Variants in MSH3 observed in about 807,000 individuals in gnomAD.
MSH3 encodes DNA mismatch repair protein Msh3.
A neutral mutation model predicts 123.3 loss-of-function variants in MSH3; 106 were observed. The ratio of observed to expected loss-of-function variants is 0.86; its 90% confidence interval spans 0.73 to 1.01. MSH3 has a LOEUF of 1.01. Ranked by LOEUF, MSH3 falls within the 50% of genes least tolerant of loss-of-function variation. The pLI is 0.00. For missense variants in MSH3, 1,459 were observed against 1,347.6 expected, an observed-to-expected ratio of 1.08 and a Z score of -1.29; for synonymous variants, 515 against 481.4, an observed-to-expected ratio of 1.07 and a Z score of -0.91.
intron 15 of MSH3, among the ~76,000 whole-genome samples, chr5:80,773,968 A>G (rs1021174612): frequency 5.3e-5 from 8 of 152,070 alleles, no homozygotes; most frequent in Non-Finnish European, 1.2e-4. Context: ...GGGTTTCACC[A>G]TGTTGGCCAG....
rs899618158 is a variant in MSH3, at chr5:80,835,159, G to A, written c.2814-18971G>A. Among the ~76,000 whole-genome samples, 7 of 152,234 alleles carry A rather than the reference G, an allele frequency of 4.6e-5. 1 individual carries two copies. In the South Asian group the frequency reaches 1.2e-3, roughly 27 times the overall value. ...GAAATGACCAAATTCTATGTAGAGAGCTTGAGCAAGAAGAAAAAATGTAGG... is the reference window on the plus strand; with the variant it reads ...GAAATGACCAAATTCTATGTAGAGAACTTGAGCAAGAAGAAAAAATGTAGG... On this transcript the variant is annotated intron_variant, in intron 20 of 23. Transcript: ENST00000265081.
chr5:80,729,460 G>GTATATATATATA (rs376372477), intron 10 of MSH3, among the ~76,000 whole-genome samples: 5 of 95,032 alleles, frequency 5.3e-5, no homozygotes, highest in African/African-American at 2.1e-4. Context: ...GTGTGTGTGT[G>GTATATATATATA]TATATATATA....
At chr5:80,713,984 G>T (rs749267624) in intron 8 of MSH3, among the ~76,000 whole-genome samples, 1 of 152,000 alleles carries the variant, frequency 6.6e-6, no homozygotes, top group Non-Finnish European at 1.5e-5. Flanking sequence ...GTTCTGCAAG[G>T]TTTATTACCC....
chr5:80,744,374 A>G, intron 11 of MSH3, 132 bp from the exon 12 acceptor site: 3 of 671,970 alleles, frequency 4.5e-6, no homozygotes, highest in Non-Finnish European at 8.1e-6. Flanking sequence ...CATCTGTCAA[A>G]CATTAAATGA....
intron 8 of MSH3, among the ~76,000 whole-genome samples, chr5:80,704,478 C>T (rs1750676242): frequency 6.6e-6 from 1 of 152,138 alleles, no homozygotes; most frequent in Admixed American, 6.5e-5. Flanking sequence ...CTTCATCTTC[C>T]AGATTTCTCT....
At chr5:80,700,490 CTG>C (rs1750582906) in intron 8 of MSH3, among the ~76,000 whole-genome samples, 2 of 152,074 alleles carry the variant, frequency 1.3e-5, no homozygotes, top group South Asian at 4.1e-4. Context: ...ATTAAAAAAT[CTG>C]TCATTTTGAA....
intron 22 of MSH3, among the ~76,000 whole-genome samples, chr5:80,870,355 CAG>C (rs1746192722): frequency 6.6e-6 from 1 of 152,050 alleles, no homozygotes; most frequent in African/African-American, 2.4e-5. Context: ...GAGCTGGAGA[CAG>C]GGAGATCAGT....
chr5:80,801,701 G>T (rs1401858324), intron 19 of MSH3, among the ~76,000 whole-genome samples: 1 of 152,128 alleles, frequency 6.6e-6, no homozygotes, highest in Non-Finnish European at 1.5e-5. Flanking sequence ...ATCTGGCACA[G>T]AGCTCTGGTG....
At chr5:80,767,567 G>T (rs1481908816) in intron 13 of MSH3, among the ~76,000 whole-genome samples, 2 of 151,968 alleles carry the variant, frequency 1.3e-5, no homozygotes, top group East Asian at 3.9e-4. Flanking sequence ...TTGTCAATTT[G>T]TAAGAGCCTA....
At chr5:80,760,977 C>T (rs1744021760) in intron 12 of MSH3, among the ~76,000 whole-genome samples, 2 of 152,080 alleles carry the variant, frequency 1.3e-5, no homozygotes, top group Non-Finnish European at 2.9e-5. Context: ...TTTGTCAAAC[C>T]CAGCTAGTGA....
chr5:80,843,275 G>A (rs1279512569), intron 20 of MSH3, among the ~76,000 whole-genome samples: 1 of 152,182 alleles, frequency 6.6e-6, no homozygotes, highest in African/African-American at 2.4e-5. Context: ...TGGTGGATAA[G>A]CTTTTTGATG....
At chr5:80,842,239 C>T (rs903415809) in intron 20 of MSH3, among the ~76,000 whole-genome samples, 6 of 152,068 alleles carry the variant, frequency 3.9e-5, no homozygotes, top group Non-Finnish European at 5.9e-5. Flanking sequence ...ATTTCTGAGG[C>T]CTCTGTTCTA....
chr5:80,810,658 T>C (rs888933852), intron 19 of MSH3, among the ~76,000 whole-genome samples: 11 of 152,160 alleles, frequency 7.2e-5, no homozygotes, highest in Admixed American at 6.5e-4. Flanking sequence ...TAGATATGTA[T>C]GTCATTGTGC....
intron 2 of MSH3, among the ~76,000 whole-genome samples, chr5:80,662,593 G>T (rs1020803039): frequency 3.3e-5 from 5 of 152,104 alleles, no homozygotes; most frequent in Non-Finnish European, 5.9e-5. Flanking sequence ...TTGGGAGGCG[G>T]AGGCAGGCGG....
At chr5:80,842,038 G>A (rs951243117) in intron 20 of MSH3, among the ~76,000 whole-genome samples, 2 of 152,134 alleles carry the variant, frequency 1.3e-5, no homozygotes, top group Non-Finnish European at 2.9e-5. Context: ...TATGGTTTTA[G>A]GTCTTACATG....
chr5:80,823,350 C>T (rs1745234209), intron 20 of MSH3, among the ~76,000 whole-genome samples: 1 of 152,204 alleles, frequency 6.6e-6, no homozygotes, highest in South Asian at 2.1e-4. Flanking sequence ...TACATGGTCA[C>T]TGTCTGACAA....
In MSH3 at chr5:80,864,921, G is replaced by A. The variant is rs1344576103; in HGVS notation, c.3109G>A (p.Asp1037Asn). Residue 1037 changes from aspartate to asparagine, a missense_variant, in exon 22 of 24, where the codon GAT becomes AAT. Coordinates refer to ENST00000265081, the MANE Select transcript of MSH3 (RefSeq NM_002439.5). ...NYHMGFLVSEDESKLDPGAAE... is the reference protein window; with the variant it reads ...NYHMGFLVSENESKLDPGAAE... ...CCACATGGGATTCTTGGTCAGTGAG[G>A]ATGAAAGCAAACTGGATCCAGGTAT... is the stretch of plus-strand genomic sequence containing the variant. 5.0e-6 allele frequency: 8 copies of A among 1,613,946 alleles called. No homozygotes were observed. Among genetic ancestry groups the A allele is most frequent in the Non-Finnish European group, 8.5e-7 (1 of 1,179,868 alleles).
chr5:80,840,927 T>C (rs1279305616), intron 20 of MSH3, among the ~76,000 whole-genome samples: 44 of 151,678 alleles, frequency 2.9e-4, no homozygotes, highest in Non-Finnish European at 1.5e-4. Flanking sequence ...TTAATATACT[T>C]TAAGTTCTAG....
In MSH3 at chr5:80,670,203, A is replaced by T. The variant is rs762737443; in HGVS notation, c.686A>T (p.Tyr229Phe). ...KSANKRSKSI[Y>F]TPLELQYIEM... ...GCTAACAAACGGTCCAAAAGCATCTATACGCCGCTAGAATTACAATACATA... is the reference window on the plus strand; with the variant it reads ...GCTAACAAACGGTCCAAAAGCATCTTTACGCCGCTAGAATTACAATACATA... The change falls in exon 4 of 24, where the codon TAT becomes TTT. Residue 229 changes from tyrosine (Y) to phenylalanine (F), a missense_variant. Transcript: ENST00000265081. The T allele has an allele frequency of 1.2e-6, 2 of 1,614,190 alleles. No individual in the cohort carries two copies. The highest frequency in any genetic ancestry group is 1.7e-6 in the Non-Finnish European group (2 of 1,180,014).
Sources: allele counts gnomAD v4.1 joint callset (sites outside exome capture counted in the v4.1 genomes callset), GRCh38; gene constraint gnomAD v4.1.1; transcripts MANE v1.5; gene names NCBI Gene and HGNC (gene_info 2026-07-23, HGNC 2026-07-21).